Variants in GPHN observed in about 807,000 individuals in gnomAD.
GPHN encodes gephyrin.
In GPHN, 17 loss-of-function variants were observed where a neutral mutation model predicts 95.5. The ratio of observed to expected loss-of-function variants is 0.18; its 90% CI spans 0.12 to 0.27. GPHN has a LOEUF of 0.27. GPHN is among the 10% of genes least tolerant of loss of function. The pLI, the probability that GPHN is intolerant of heterozygous loss-of-function variation, is 1.00. For synonymous variants in GPHN, 320 were observed against 322.5 expected, an observed-to-expected ratio of 0.99 and a Z score of 0.08; for missense variants, 660 against 978.1, an observed-to-expected ratio of 0.67 and a Z score of 4.34.
intron 1 of GPHN, among the ~76,000 whole-genome samples, chr14:66,523,462 A>G (rs1366778904): frequency 6.6e-6 from 1 of 152,070 alleles, no homozygotes; most frequent in Non-Finnish European, 1.5e-5. Flanking sequence ...TTATTTTGCT[A>G]TTGTAAATTT....
Position 66,508,172 on chromosome 14 carries a change from G to C in GPHN, c.-356G>C. On this transcript the variant is annotated 5_prime_UTR_variant, in exon 1 of 23. Transcript: ENST00000478722. Reference sequence around the variant, plus strand: ...CCTTTCCTCTCAGTCCTGCCATCTAGCTGCCTTGGGTCTCGCGCTCCGCAG... The same window carrying C: ...CCTTTCCTCTCAGTCCTGCCATCTACCTGCCTTGGGTCTCGCGCTCCGCAG... 2.1e-6 allele frequency: 1 copy of C among 474,598 alleles called. No individual in the cohort carries two copies. The highest frequency in any genetic ancestry group is 3.9e-5 in the East Asian group (1 of 25,798). 29.4% of individuals were successfully genotyped at this position (474,598 alleles called of 1,614,324 possible). A position where few individuals can be genotyped will look rare whatever the true frequency, so the allele number is the denominator to read the frequency against.
chr14:67,672,685 C>T, the GPHN span, among the ~76,000 whole-genome samples: 3 of 151,802 alleles, frequency 2.0e-5, no homozygotes, highest in Non-Finnish European at 2.9e-5. Context: ...TCAAGTGATC[C>T]GCCCGCCTCG....
the GPHN span, among the ~76,000 whole-genome samples, chr14:67,248,008 G>T: frequency 2.0e-5 from 3 of 152,072 alleles, no homozygotes; most frequent in African/African-American, 7.2e-5. Context: ...GTTACTGAGG[G>T]TTTGTTTTTT....
chr14:67,695,713 C>T, the GPHN span: 2 of 1,613,612 alleles, frequency 1.2e-6, no homozygotes, highest in Non-Finnish European at 1.7e-6. Flanking sequence ...TCTCTGCCGG[C>T]TGCAGCGGCA....
intron 10 of GPHN, among the ~76,000 whole-genome samples, chr14:67,050,823 G>A (rs1156491600): frequency 6.6e-6 from 1 of 151,422 alleles, no homozygotes; most frequent in African/African-American, 2.4e-5. Context: ...GCAACCCATG[G>A]TAAGTGAGGA....
chr14:67,476,360 G>A, the GPHN span, among the ~76,000 whole-genome samples: 1 of 152,178 alleles, frequency 6.6e-6, no homozygotes, highest in Non-Finnish European at 1.5e-5. Flanking sequence ...GCTGAGGCGG[G>A]TGGATCACCT....
intron 1 of GPHN, among the ~76,000 whole-genome samples, chr14:66,532,774 T>G (rs1383970737): frequency 6.6e-6 from 1 of 152,248 alleles, no homozygotes; most frequent in East Asian, 1.9e-4. Flanking sequence ...TGCTCTACCC[T>G]GTAAGTAGTC....
chr14:67,383,587 C>A, the GPHN span: 1 of 1,159,758 alleles, frequency 8.6e-7, no homozygotes, highest in Non-Finnish European at 1.2e-6. Flanking sequence ...CAGATCAGAA[C>A]ATGAAATGCC....
At chr14:66,633,543 A>T (rs1190049783) in intron 1 of GPHN, among the ~76,000 whole-genome samples, 1 of 152,212 alleles carries the variant, frequency 6.6e-6, no homozygotes, top group Non-Finnish European at 1.5e-5. Context: ...TTTATTGCTG[A>T]ATAGTATTCC....
At chr14:66,622,328 G>T (rs2063344585) in intron 1 of GPHN, among the ~76,000 whole-genome samples, 1 of 152,098 alleles carries the variant, frequency 6.6e-6, no homozygotes, top group Non-Finnish European at 1.5e-5. Context: ...CCTTGGCCCG[G>T]CCCACAAAAC....
chr14:67,709,818 T>C, the GPHN span, among the ~76,000 whole-genome samples: 1 of 152,160 alleles, frequency 6.6e-6, no homozygotes, highest in Non-Finnish European at 1.5e-5. Context: ...CACAAGTACT[T>C]TAAAAGAGCA....
chr14:66,630,951 C>T (rs766248088), intron 1 of GPHN, among the ~76,000 whole-genome samples: 1 of 151,908 alleles, frequency 6.6e-6, no homozygotes, highest in African/African-American at 2.4e-5. Context: ...TTACATGATC[C>T]CCTCTTACTT....
chr14:67,352,800 T>C, the GPHN span: 1 of 662,906 alleles, frequency 1.5e-6, no homozygotes, highest in East Asian at 2.8e-5. Flanking sequence ...GTTAAACTTA[T>C]AATGGTATTT....
the GPHN span, among the ~76,000 whole-genome samples, chr14:67,490,507 A>G: frequency 6.6e-6 from 1 of 152,328 alleles, no homozygotes; most frequent in East Asian, 1.9e-4. Context: ...TATTTCTACA[A>G]TGTGCTGGCA....
chr14:66,924,285 A>G lies in GPHN; in HGVS notation c.821A>G (p.Asp274Gly). ...ATCAATTATTCCCATCATTCAACAG[A>G]TGAACGGGTAAGACAAGAGGCTTTT... ...GLINYSHHST[D>G]ERIPDSIISR... The change falls in exon 8 of 23, where the codon GAT (aspartate) becomes GGT (glycine). Residue 274 changes from aspartate to glycine, a missense_variant. Physicochemically the swap from Asp to Gly is moderately conservative, Grantham distance 94. Transcript: ENST00000478722. 6.3e-7 allele frequency: 1 copy of G among 1,582,854 alleles called. No homozygotes were observed. The highest frequency in any genetic ancestry group is 8.7e-7 in the Non-Finnish European group (1 of 1,151,488).
the GPHN span, chr14:67,343,550 TTC>T: frequency 1.3e-6 from 1 of 797,792 alleles, no homozygotes; most frequent in African/African-American, 1.7e-5. Context: ...CCAAGACAAC[TTC>T]TTTTTGGCAT....
rs111278754 is a variant in GPHN at position 66,544,897 on chromosome 14, G to T, written c.64+36306G>T. Among the ~76,000 whole-genome samples the T allele has an allele frequency of 2.6e-5, 4 of 152,084 alleles. 1 individual carries two copies. Among genetic ancestry groups the T allele is most frequent in the African/African-American group, 9.7e-5 (4 of 41,428 alleles). Reference sequence around the variant, plus strand: ...ACAGCACATGTTTCAGAGAGCACAGGGTTGGGGGTAAGGTCACAGATCAAC... The same window carrying T: ...ACAGCACATGTTTCAGAGAGCACAGTGTTGGGGGTAAGGTCACAGATCAAC... On this transcript the variant is annotated intron_variant, in intron 1 of 22. Transcript: ENST00000478722.
chr14:66,817,789 G>C (rs2061036388), intron 3 of GPHN, among the ~76,000 whole-genome samples: 1 of 152,114 alleles, frequency 6.6e-6, no homozygotes, highest in Non-Finnish European at 1.5e-5. Context: ...TCCTGACATG[G>C]TAGTAGAAGT....
the GPHN span, chr14:67,225,300 A>G: frequency 1.5e-6 from 2 of 1,356,770 alleles, no homozygotes; most frequent in African/African-American, 1.5e-5. Context: ...ATAGGAATAC[A>G]TGATAGCTAT....
Sources: gnomAD v4.1 joint callset for allele counts (sites outside exome capture counted in the v4.1 genomes callset) on GRCh38, gnomAD v4.1.1 for gene constraint, MANE v1.5 for transcripts, NCBI Gene and HGNC (gene_info 2026-07-23, HGNC 2026-07-21) for gene names.